Variants in FMNL1 observed in about 807,000 individuals in gnomAD.
The protein encoded by FMNL1 is formin-like protein 1.
Under a neutral mutation model 121.3 loss-of-function variants are expected in FMNL1, and 43 were observed. The observed-to-expected ratio is 0.35, with a 90% confidence interval of 0.28 to 0.46. The LOEUF is 0.46. Ranked by LOEUF, FMNL1 falls within the 20% of genes least tolerant of loss-of-function variation. FMNL1 has a pLI of 1.00. For synonymous variants in FMNL1, 613 were observed against 613.5 expected, an observed-to-expected ratio of 1.00 and a Z score of 0.01; for missense variants, 1,191 against 1,482.4, an observed-to-expected ratio of 0.80 and a Z score of 3.23.
At chr17:45,228,590 G>A (rs2043375798) in intron 1 of FMNL1, among the ~76,000 whole-genome samples, 1 of 152,240 alleles carries the variant, frequency 6.6e-6, no homozygotes, top group African/African-American at 2.4e-5. Flanking sequence ...AGGGTGGAAG[G>A]CAGTCGTCGG....
intron 1 of FMNL1, among the ~76,000 whole-genome samples, chr17:45,228,308 G>A (rs1190054855): frequency 2.6e-5 from 4 of 152,168 alleles, no homozygotes; most frequent in African/African-American, 9.7e-5. Context: ...CTGGGGGCCT[G>A]AGAAGGCCCA....
Position 45,231,242 on chromosome 17 carries a change from C to T in FMNL1, c.213+555C>T, listed in dbSNP as rs1242999688. Among the ~76,000 whole-genome samples, 3 of 151,538 alleles carry T rather than the reference C, an allele frequency of 2.0e-5. No homozygotes were observed. Among genetic ancestry groups the T allele is most frequent in the Non-Finnish European group, 4.4e-5 (3 of 68,004 alleles). ...CCCACCCCTCCAGCTTCAAGGGCTG[C>T]GGTCGGCCATGGGCCGACCCTCTCC... is the stretch of plus-strand genomic sequence containing the variant. On this transcript the variant is annotated intron_variant, in intron 2 of 26. Coordinates refer to ENST00000331495, the MANE Select transcript of FMNL1 (RefSeq NM_005892.4). This position sits in a 1 kb window ranked among gnomAD's most constrained non-coding sequence, Gnocchi z 4.7.
intron 19 of FMNL1, 119 bp from the exon 20 acceptor site, chr17:45,244,700 C>T: frequency 2.0e-6 from 2 of 1,016,012 alleles, no homozygotes; most frequent in Non-Finnish European, 2.9e-6. Flanking sequence ...TGCAGGAGTA[C>T]AGTAGGGGCT....
chr17:45,236,960 C>CA (rs1161308699), intron 7 of FMNL1, among the ~76,000 whole-genome samples: 4 of 151,696 alleles, frequency 2.6e-5, no homozygotes, highest in Admixed American at 1.3e-4. Flanking sequence ...GAAAAAAATA[C>CA]AAAAAAAATC....
chr17:45,229,417 T>C (rs1426057193), intron 1 of FMNL1, among the ~76,000 whole-genome samples: 1 of 152,202 alleles, frequency 6.6e-6, no homozygotes, highest in Non-Finnish European at 1.5e-5. Context: ...TGTGGCCCTC[T>C]GACTGCTCCA....
rs191806223 is a variant in FMNL1, at chr17:45,231,246, C to G, written c.213+559C>G. On this transcript the variant is annotated intron_variant, in intron 2 of 26. Coordinates refer to ENST00000331495, the MANE Select transcript of FMNL1 (RefSeq NM_005892.4). This position sits in a 1 kb window ranked among gnomAD's most constrained non-coding sequence, Gnocchi z 4.7. ...CCCCTCCAGCTTCAAGGGCTGCGGTCGGCCATGGGCCGACCCTCTCCCAGC... is the reference window on the plus strand; with the variant it reads ...CCCCTCCAGCTTCAAGGGCTGCGGTGGGCCATGGGCCGACCCTCTCCCAGC... Among the ~76,000 whole-genome samples, 4 of 151,538 alleles carry G rather than the reference C, an allele frequency of 2.6e-5. No individual in the cohort carries two copies. The East Asian group carries it at 5.8e-4, about 22-fold the overall frequency.
intron 7 of FMNL1, among the ~76,000 whole-genome samples, chr17:45,236,759 G>T (rs2043559442): frequency 6.6e-6 from 1 of 152,034 alleles, no homozygotes; most frequent in African/African-American, 2.4e-5. Context: ...CCCAGAATTT[G>T]AGATCAGCCT....
rs2043798978 is a variant in FMNL1 at position 45,245,100 on chromosome 17, C to T, written c.2720C>T (p.Ala907Val). ...FHSDLHFLDK[A>V]GSVSLDSVLA... The stretch of plus-strand genomic sequence containing the variant: ...AGCGACCTGCACTTCCTGGACAAGG[C>T]GGGCTCAGGTAGGAGACACACAGAT... The change falls in exon 21 of 27, where the codon GCG (alanine) becomes GTG (valine). Residue 907 changes from alanine (A) to valine (V), a missense_variant. This residue lies in a region of FMNL1 where 367 missense variants were observed against 528.6 expected (regional missense o/e 0.69). Coordinates refer to ENST00000331495, the MANE Select transcript of FMNL1 (RefSeq NM_005892.4). 5 of 1,613,882 alleles carry T rather than the reference C, an allele frequency of 3.1e-6. No homozygotes were observed. Among genetic ancestry groups the T allele is most frequent in the Non-Finnish European group, 4.2e-6 (5 of 1,179,944 alleles).
intron 1 of FMNL1, among the ~76,000 whole-genome samples, chr17:45,224,791 A>G (rs1055219523): frequency 3.9e-5 from 6 of 152,188 alleles, no homozygotes; most frequent in Non-Finnish European, 5.9e-5. Flanking sequence ...GAGCAGGTTG[A>G]GCCAGGGTTT....
rs112647126 is a variant in FMNL1 at position 45,244,097 on chromosome 17, C to T, written c.2448+72C>T. ...AGGAGGCAACTCCCAGCCTGGGCTGCGGCAGGGAACCTGGGAGTACTTGAG... is the reference window on the plus strand; with the variant it reads ...AGGAGGCAACTCCCAGCCTGGGCTGTGGCAGGGAACCTGGGAGTACTTGAG... On this transcript the variant is annotated intron_variant, in intron 18 of 26. Transcript: ENST00000331495. The T allele has an allele frequency of 4.7e-5, 76 of 1,602,244 alleles. 1 individual carries two copies. Among genetic ancestry groups the T allele is most frequent in the African/African-American group, 3.9e-4 (29 of 74,896 alleles).
In FMNL1 at chr17:45,222,023, G is replaced by A. The variant is rs960318989; in HGVS notation, c.-102G>A. The stretch of plus-strand genomic sequence containing the variant: ...GAGACCCCCGCCGCCACCGCCAGCC[G>A]CTGCCCCCTCGCCCCCGCCCGGGCC... On this transcript the variant is annotated 5_prime_UTR_variant, in exon 1 of 27. Transcript: ENST00000331495. 4.3e-5 allele frequency: 41 copies of A among 953,022 alleles called. No individual in the cohort carries two copies. The highest frequency in any genetic ancestry group is 5.3e-5 in the Non-Finnish European group (40 of 761,304). 59.0% of individuals were successfully genotyped at this position (953,022 alleles called of 1,614,324 possible).
chr17:45,243,465 T>G, intron 17 of FMNL1, 145 bp downstream of exon 17: 1 of 1,022,892 alleles, frequency 9.8e-7, no homozygotes. Context: ...TTGTCCCCAT[T>G]TTAAGGTGGA....
Position 45,241,459 on chromosome 17 carries a change from G to A in FMNL1, c.1410G>A (p.Pro470=). 1.3e-6 allele frequency: 2 copies of A among 1,569,544 alleles called. No homozygotes were observed. Among genetic ancestry groups the A allele is most frequent in the Non-Finnish European group, 1.7e-6 (2 of 1,158,040 alleles). Residue 470 remains proline (P), a synonymous_variant, in exon 14 of 27, where the codon CCG becomes CCA. Transcript: ENST00000331495. This position sits in a 1 kb window ranked among gnomAD's most constrained non-coding sequence, Gnocchi z 7.0. ...PEPEKAPPAA[P]TRPSALELKV... ...CTGAGAAAGCGCCTCCCGCTGCCCCGACGCGGCCCTCGGCCCTGGAGCTGA... is the reference window on the plus strand; with the variant it reads ...CTGAGAAAGCGCCTCCCGCTGCCCCAACGCGGCCCTCGGCCCTGGAGCTGA...
chr17:45,222,177 C>T lies in FMNL1; in HGVS notation c.53C>T (p.Pro18Leu). The T allele has an allele frequency of 8.1e-7, 1 of 1,231,084 alleles. No individual in the cohort carries two copies. The highest frequency in any genetic ancestry group is 4.2e-5 in the Admixed American group (1 of 23,648). 76.3% of individuals were successfully genotyped at this position (1,231,084 alleles called of 1,614,324 possible). The change falls in exon 1 of 27, where the codon CCC (proline) becomes CTC (leucine). Residue 18 changes from proline (P) to leucine (L), a missense_variant. Transcript: ENST00000331495. ...CAGCCCGCGGGCCCCGCCGCGCCGC[C>T]CCCCAAGCAGCCCGCGCCTCCCAAG... is the stretch of plus-strand genomic sequence containing the variant. ...AEQPAGPAAP[P>L]PKQPAPPKQP...
At chr17:45,239,216 C>T (rs765558255) in intron 11 of FMNL1, 151 bp downstream of exon 11, 1 of 639,394 alleles carries the variant, frequency 1.6e-6, no homozygotes, top group Non-Finnish European at 2.8e-6. Context: ...AGGCCTCTTC[C>T]TCTCTCTCAG....
At position 45,247,270 on chromosome 17, in the gene FMNL1, C is replaced by T. The variant is rs2143687942; in HGVS notation, c.*412C>T. The T allele has an allele frequency of 5.0e-6, 2 of 397,440 alleles. No homozygotes were observed. The highest frequency in any genetic ancestry group is 9.0e-6 in the Non-Finnish European group (2 of 221,286). 24.6% of individuals were successfully genotyped at this position (397,440 alleles called of 1,614,324 possible). A position where few individuals can be genotyped will look rare whatever the true frequency, so the allele number is the denominator to read the frequency against. On this transcript the variant is annotated 3_prime_UTR_variant, in exon 27 of 27. Coordinates refer to ENST00000331495, the MANE Select transcript of FMNL1 (RefSeq NM_005892.4). ...CCCCGCAAGCCCCAGCCCCGAGGAC[C>T]GTCCATGGACCTTATTTTTATATGA...
rs145147428 is a variant in FMNL1 at position 45,242,469 on chromosome 17, A to T, written c.2010+4A>T. 6.2e-7 allele frequency: 1 copy of T among 1,612,934 alleles called. No individual in the cohort carries two copies. Among genetic ancestry groups the T allele is most frequent in the African/African-American group, 1.3e-5 (1 of 75,048 alleles). The stretch of plus-strand genomic sequence containing the variant: ...CAATGATGAGAAGGTGCTGCAGGTG[A>T]GTGGCCCTGCCTGGCTCCCCATGTG... On this transcript the variant is annotated splice_donor_region_variant and intron_variant, in intron 16 of 26. Transcript: ENST00000331495.
chr17:45,222,348 GC>G (rs2043244528), intron 1 of FMNL1, 95 bp downstream of exon 1: 1 of 1,022,380 alleles, frequency 9.8e-7, no homozygotes, highest in African/African-American at 1.7e-5. Context: ...GGACTCAGGT[GC>G]CGCTTGGAGA....
Position 45,246,279 on chromosome 17 carries a change from C to T in FMNL1, c.3160C>T (p.Pro1054Ser). Residue 1054 changes from proline to serine, a missense_variant, in exon 25 of 27, where the codon CCA becomes TCA. Around this residue, in one of 4 missense-constraint regions of FMNL1, gnomAD observed 367 missense variants for 528.6 expected, o/e 0.69. Coordinates refer to ENST00000331495, the MANE Select transcript of FMNL1 (RefSeq NM_005892.4). ...GCTGAAACGGAGGCAGCAGAAGGAG[C>T]CACTCATTTATGAGAGCGACCGTGA... The part of the protein sequence containing the change: ...SELKRRQQKE[P>S]LIYESDRDGA... 6.2e-7 allele frequency: 1 copy of T among 1,614,028 alleles called. No individual in the cohort carries two copies. Among genetic ancestry groups the T allele is most frequent in the East Asian group, 2.2e-5 (1 of 44,880 alleles).
Sources: gnomAD v4.1 joint callset for allele counts (sites outside exome capture counted in the v4.1 genomes callset) on GRCh38, gnomAD v4.1.1 for gene constraint, gnomAD v4.1.1 regional missense constraint, Gnocchi (gnomAD v3.1) non-coding constraint, MANE v1.5 for transcripts, NCBI Gene and HGNC (gene_info 2026-07-23, HGNC 2026-07-21) for gene names.